GABPB2: variants seen among roughly 807,000 people sequenced by gnomAD.
GABPB2 encodes GA binding protein transcription factor subunit beta 2.
Under a neutral mutation model 39.1 loss-of-function variants are expected in GABPB2, and 23 were observed. The observed-to-expected ratio is 0.59, with a 90% confidence interval of 0.42 to 0.83. The LOEUF is 0.83. Among genes scored for constraint, GABPB2 ranks in the 40% least tolerant of loss-of-function variants. The probability of loss-of-function intolerance (pLI) is 0.00; values close to 1 mark genes in which losing one functional copy is unlikely to be tolerated. For synonymous variants in GABPB2, 184 were observed against 199.3 expected, an observed-to-expected ratio of 0.92 and a Z score of 0.65; for missense variants, 467 against 541.1, an observed-to-expected ratio of 0.86 and a Z score of 1.36.
intron 7 of GABPB2, among the ~76,000 whole-genome samples, chr1:151,109,777 T>G (rs1166359034): frequency 6.6e-6 from 1 of 151,550 alleles, no homozygotes; most frequent in African/African-American, 2.4e-5. Context: ...CCAAGCAACC[T>G]TCTCACCTCA....
At chr1:151,116,729 T>C (rs587714668) in intron 7 of GABPB2, among the ~76,000 whole-genome samples, 1 of 152,160 alleles carries the variant, frequency 6.6e-6, no homozygotes, top group South Asian at 2.1e-4. Context: ...CACTTCAGCC[T>C]CCCAAGTAGC....
chr1:151,099,843 A>G (rs1679379436), intron 5 of GABPB2, among the ~76,000 whole-genome samples: 2 of 152,228 alleles, frequency 1.3e-5, no homozygotes, highest in Non-Finnish European at 2.9e-5. Flanking sequence ...GGATATAATA[A>G]TACCTACTTT....
chr1:151,075,436 C>T (rs1159778942), intron 1 of GABPB2, among the ~76,000 whole-genome samples: 2 of 151,536 alleles, frequency 1.3e-5, no homozygotes, highest in Admixed American at 6.6e-5. Flanking sequence ...TGGTGGCGGG[C>T]GCCTGTAGTC....
chr1:151,090,276 T>G, intron 2 of GABPB2, 130 bp from the exon 3 acceptor site: 1 of 849,402 alleles, frequency 1.2e-6, no homozygotes. Context: ...TAAGCATTTT[T>G]TCAGTTTTAT....
intron 3 of GABPB2, among the ~76,000 whole-genome samples, chr1:151,091,665 G>C (rs1203310455): frequency 6.6e-6 from 1 of 151,386 alleles, no homozygotes; most frequent in Non-Finnish European, 1.5e-5. Flanking sequence ...TTTTAGTAGA[G>C]ATGGGGTTTC....
Position 151,118,249 on chromosome 1 carries a change from C to A in GABPB2, c.1340C>A (p.Ser447Ter). The part of the protein sequence containing the change: ...PHTRVSMATV[S>*]S ...ACTAGAGTTTCCATGGCAACTGTTT[C>A]ATCTTAATATGCAAGGGCCACAATT... Residue 447 changes from serine to a stop codon, truncating the protein, a stop_gained, in exon 9 of 9, where the codon TCA (serine) becomes TAA (stop). Coordinates refer to ENST00000368918, the MANE Select transcript of GABPB2 (RefSeq NM_144618.3). LOFTEE classifies it high-confidence loss of function. 1 of 1,611,598 alleles carries A rather than the reference C, an allele frequency of 6.2e-7. No individual in the cohort carries two copies. The highest frequency in any genetic ancestry group is 1.7e-5 in the Admixed American group (1 of 59,788).
At chr1:151,106,341 T>G (rs1166094530) in intron 6 of GABPB2, among the ~76,000 whole-genome samples, 1 of 151,986 alleles carries the variant, frequency 6.6e-6, no homozygotes, top group Non-Finnish European at 1.5e-5. Flanking sequence ...TATCTGGTTT[T>G]TTTGTTTGTT....
At chr1:151,092,100 A>ATTTT (rs34298127) in intron 3 of GABPB2, among the ~76,000 whole-genome samples, 5 of 58,096 alleles carry the variant, frequency 8.6e-5, no homozygotes, top group Non-Finnish European at 1.3e-4. Context: ...CAGTTTTCTA[A>ATTTT]TTTTTTTTTT....
At chr1:151,095,495 T>G (rs1571937195) in intron 4 of GABPB2, among the ~76,000 whole-genome samples, 1 of 152,326 alleles carries the variant, frequency 6.6e-6, no homozygotes, top group South Asian at 2.1e-4. Flanking sequence ...AGAGAGACAC[T>G]TAATGCTAAA....
intron 1 of GABPB2, among the ~76,000 whole-genome samples, chr1:151,086,507 GA>G (rs1678202618): frequency 6.6e-6 from 1 of 151,764 alleles, no homozygotes; most frequent in African/African-American, 2.4e-5. Context: ...TGTAAACATG[GA>G]AAAAGAAAAA....
chr1:151,075,764 T>C (rs929430862), intron 1 of GABPB2, among the ~76,000 whole-genome samples: 1 of 151,646 alleles, frequency 6.6e-6, no homozygotes, highest in African/African-American at 2.4e-5. Context: ...AAAAAAAGAA[T>C]GCCTTAATGG....
intron 1 of GABPB2, among the ~76,000 whole-genome samples, chr1:151,081,030 G>A (rs904286740): frequency 5.3e-5 from 8 of 149,938 alleles, no homozygotes; most frequent in African/African-American, 1.7e-4. Flanking sequence ...CCACCACCAC[G>A]CCCAGCTAAT....
intron 8 of GABPB2, 136 bp from the exon 9 acceptor site, chr1:151,117,821 T>A (rs587657959): frequency 3.4e-6 from 3 of 872,068 alleles, no homozygotes; most frequent in South Asian, 1.7e-5. Context: ...TGACCTCAGA[T>A]AATCTGCCTA....
chr1:151,081,746 C>T (rs60172901), intron 1 of GABPB2, among the ~76,000 whole-genome samples: 3,744 of 151,732 alleles, frequency 0.025, 107 homozygotes, highest in African/African-American at 0.073. Flanking sequence ...GCAATTCTTC[C>T]GCCTCAGCCT....
At position 151,117,987 on chromosome 1, in the gene GABPB2, C is replaced by T; in HGVS notation, c.1078C>T (p.Gln360Ter). The T allele has an allele frequency of 8.1e-6, 13 of 1,613,356 alleles. No homozygotes were observed. The highest frequency in any genetic ancestry group is 1.0e-5 in the Non-Finnish European group (12 of 1,179,546). Reference protein sequence around the residue: ...EGNERELLQQQLQEANRRAQE... With the variant: ...EGNERELLQQ ...CAATGAAAGAGAGCTACTACAGCAA[C>T]AACTCCAGGAGGCCAATCGAAGAGC... The change falls in exon 9 of 9, where the codon CAA (glutamine) becomes TAA (stop). Residue 360 changes from glutamine (Q) to a stop codon, truncating the protein, a stop_gained. Transcript: ENST00000368918. LOFTEE classifies it high-confidence loss of function.
intron 7 of GABPB2, chr1:151,111,853 G>A (rs986034893): frequency 3.3e-5 from 5 of 150,054 alleles, no homozygotes; most frequent in African/African-American, 1.2e-4. Flanking sequence ...CATATATGAA[G>A]AGCTAACATG....
intron 7 of GABPB2, among the ~76,000 whole-genome samples, chr1:151,113,292 C>T (rs1311075831): frequency 2.6e-5 from 4 of 151,668 alleles, no homozygotes; most frequent in Non-Finnish European, 4.4e-5. Context: ...CGCGGTGAAA[C>T]CCTGTCTCTA....
intron 4 of GABPB2, among the ~76,000 whole-genome samples, chr1:151,095,470 T>G (rs1172586622): frequency 6.6e-6 from 1 of 152,168 alleles, no homozygotes; most frequent in Admixed American, 6.6e-5. Context: ...TTGTTTGGAA[T>G]GTGGCACACA....
Position 151,118,318 on chromosome 1 carries a change from C to T in GABPB2, c.*62C>T, listed in dbSNP as rs1572004899. 4 of 1,434,568 alleles carry T rather than the reference C, an allele frequency of 2.8e-6. No individual in the cohort carries two copies. In the East Asian group the frequency reaches 9.2e-5, roughly 33 times the overall value. The allele number at this position is 1,434,568 out of a possible 1,614,324, so 88.9% of individuals were successfully genotyped here. ...ATCCTCTTTTAAAAAAGGAAATATA[C>T]AGAAGACAAACATTGTATAAAAACT... On this transcript the variant is annotated 3_prime_UTR_variant, in exon 9 of 9. Transcript: ENST00000368918.
Sources: gnomAD v4.1 joint callset for allele counts (sites outside exome capture counted in the v4.1 genomes callset) on GRCh38, gnomAD v4.1.1 for gene constraint, MANE v1.5 for transcripts, NCBI Gene and HGNC (gene_info 2026-07-23, HGNC 2026-07-21) for gene names.